ATP2B2: variants seen among roughly 807,000 people sequenced by gnomAD.
ATP2B2 encodes ATPase plasma membrane Ca2+ transporting 2, also known as plasma membrane calcium-transporting ATPase 2.
A neutral mutation model predicts 120.0 loss-of-function variants in ATP2B2; 15 were observed. The ratio of observed to expected loss-of-function variants is 0.12; its 90% CI spans 0.08 to 0.19. ATP2B2 has a LOEUF of 0.19. Among genes scored for constraint, ATP2B2 ranks in the 10% least tolerant of loss-of-function variants. The probability of loss-of-function intolerance (pLI) is 1.00; values close to 1 mark genes in which losing one functional copy is unlikely to be tolerated. For missense variants in ATP2B2, 1,045 were observed against 1,719.8 expected (o/e 0.61, Z 6.94); for synonymous variants, 694 against 700.3 (o/e 0.99, Z 0.14).
intron 1 of ATP2B2, among the ~76,000 whole-genome samples, chr3:10,638,768 A>G (rs1432303130): frequency 6.6e-6 from 1 of 152,246 alleles, no homozygotes; most frequent in African/African-American, 2.4e-5. Context: ...AATGATGGAA[A>G]AAGATATGCT....
intron 2 of ATP2B2, among the ~76,000 whole-genome samples, chr3:10,558,376 C>G (rs754417233): frequency 6.6e-6 from 1 of 152,180 alleles, no homozygotes; most frequent in Non-Finnish European, 1.5e-5. Context: ...GCTAGGACTG[C>G]AGGGAATTAA....
At chr3:10,597,395 G>GCA (rs757695444) in intron 2 of ATP2B2, among the ~76,000 whole-genome samples, 39 of 151,358 alleles carry the variant, frequency 2.6e-4, no homozygotes, top group South Asian at 4.2e-4. Context: ...AGGCACAGAG[G>GCA]CACACACACA....
intron 8 of ATP2B2, among the ~76,000 whole-genome samples, chr3:10,382,250 G>A (rs2061552807): frequency 1.5e-5 from 2 of 134,104 alleles, no homozygotes; most frequent in Non-Finnish European, 3.0e-5. Flanking sequence ...TGTCTAGGCT[G>A]GTCTCAAACT....
At chr3:10,575,171 C>A (rs533457438) in intron 2 of ATP2B2, among the ~76,000 whole-genome samples, 1 of 152,270 alleles carries the variant, frequency 6.6e-6, no homozygotes, top group Non-Finnish European at 1.5e-5. Context: ...GGTTCCCCAA[C>A]CCCTCCTCCC....
At chr3:10,420,549 A>G (rs1354385744) in intron 2 of ATP2B2, among the ~76,000 whole-genome samples, 1 of 152,048 alleles carries the variant, frequency 6.6e-6, no homozygotes, top group Non-Finnish European at 1.5e-5. Context: ...TTTAGTTGAG[A>G]TGGGGTTTCA....
chr3:10,592,178 C>T (rs1384736391), intron 2 of ATP2B2, among the ~76,000 whole-genome samples: 2 of 152,162 alleles, frequency 1.3e-5, no homozygotes, highest in African/African-American at 4.8e-5. Context: ...TCTCTATCAT[C>T]CCTGATTTTC....
At chr3:10,426,222 G>GA (rs2063141713) in intron 2 of ATP2B2, among the ~76,000 whole-genome samples, 1 of 152,130 alleles carries the variant, frequency 6.6e-6, no homozygotes, top group Non-Finnish European at 1.5e-5. Context: ...ATAGCTCCCT[G>GA]AAAATCCCTT....
chr3:10,451,394 T>TCA (rs1279357249), intron 1 of ATP2B2, among the ~76,000 whole-genome samples: 1 of 152,226 alleles, frequency 6.6e-6, no homozygotes, highest in African/African-American at 2.4e-5. Context: ...GAGCCCTGGT[T>TCA]CACTCATCTG....
chr3:10,361,868 C>T (rs933837122), intron 12 of ATP2B2, among the ~76,000 whole-genome samples: 2 of 152,210 alleles, frequency 1.3e-5, no homozygotes, highest in African/African-American at 2.4e-5. Flanking sequence ...TAACTGTTTG[C>T]TAGATGGCTT....
intron 2 of ATP2B2, among the ~76,000 whole-genome samples, chr3:10,544,423 G>T (rs2067502014): frequency 6.6e-6 from 1 of 152,196 alleles, no homozygotes; most frequent in Admixed American, 6.5e-5. Context: ...TGTGGGGAAG[G>T]TCATTAAAAA....
At chr3:10,470,260 G>T (rs1325809029) in intron 1 of ATP2B2, among the ~76,000 whole-genome samples, 1 of 152,138 alleles carries the variant, frequency 6.6e-6, no homozygotes, top group Non-Finnish European at 1.5e-5. Flanking sequence ...TGCCACTGTT[G>T]CCCATCTCAC....
intron 5 of ATP2B2, chr3:10,394,397 T>G (rs553636839): frequency 3.8e-5 from 18 of 468,674 alleles, no homozygotes; most frequent in African/African-American, 3.4e-4. Context: ...GCAAGTTCAA[T>G]CCCCAGCCCC....
chr3:10,472,413 TG>T (rs1374848638), intron 1 of ATP2B2, among the ~76,000 whole-genome samples: 1 of 152,128 alleles, frequency 6.6e-6, no homozygotes, highest in Non-Finnish European at 1.5e-5. Flanking sequence ...GACCTCTTGC[TG>T]GGGGGACGCT....
At chr3:10,335,589 C>A (rs115447858) in intron 22 of ATP2B2, among the ~76,000 whole-genome samples, 1 of 152,180 alleles carries the variant, frequency 6.6e-6, no homozygotes, top group African/African-American at 2.4e-5. Flanking sequence ...GTCTGGTTGA[C>A]GTGACCCTCT....
chr3:10,500,966 GA>G (rs1309266251), intron 1 of ATP2B2, among the ~76,000 whole-genome samples: 1 of 152,214 alleles, frequency 6.6e-6, no homozygotes, highest in Non-Finnish European at 1.5e-5. Flanking sequence ...CTCACAAGGG[GA>G]GAGCTTGGGA....
At chr3:10,482,916 G>C (rs554747450) in intron 1 of ATP2B2, among the ~76,000 whole-genome samples, 1 of 152,330 alleles carries the variant, frequency 6.6e-6, no homozygotes, top group South Asian at 2.1e-4. Flanking sequence ...TTTGCACTCG[G>C]GGAAGCAATG....
At chr3:10,510,870 C>A (rs1225639688) in intron 3 of ATP2B2, among the ~76,000 whole-genome samples, 1 of 152,196 alleles carries the variant, frequency 6.6e-6, no homozygotes, top group Non-Finnish European at 1.5e-5. Flanking sequence ...CCACTCCCGC[C>A]CATCAATCCT....
chr3:10,373,310 G>A (rs555059334), intron 11 of ATP2B2, among the ~76,000 whole-genome samples: 2 of 152,334 alleles, frequency 1.3e-5, no homozygotes, highest in African/African-American at 4.8e-5. Flanking sequence ...GTTTAAAGCT[G>A]GGATTTGAAC....
intron 8 of ATP2B2, among the ~76,000 whole-genome samples, chr3:10,381,777 C>G (rs891797877): frequency 1.3e-5 from 2 of 152,164 alleles, no homozygotes; most frequent in African/African-American, 4.8e-5. Context: ...TTCTCTGTAT[C>G]TGGAGTCAGA....
Sources: allele counts gnomAD v4.1 joint callset (sites outside exome capture counted in the v4.1 genomes callset), GRCh38; gene constraint gnomAD v4.1.1; transcripts MANE v1.5; gene names NCBI Gene and HGNC (gene_info 2026-07-23, HGNC 2026-07-21).